The following PRICKLE2 variants were observed in gnomAD, a reference collection of about 807,000 sequenced individuals.
The protein encoded by PRICKLE2 is prickle-like protein 2.
Under a neutral mutation model 81.4 loss-of-function variants are expected in PRICKLE2, and 21 were observed. The ratio of observed to expected loss-of-function variants is 0.26; its 90% CI spans 0.18 to 0.37. The LOEUF (loss-of-function observed/expected upper bound fraction) is 0.37. Ranked by LOEUF, PRICKLE2 falls within the 10% of genes least tolerant of loss-of-function variation. The pLI, the probability that PRICKLE2 is intolerant of heterozygous loss-of-function variation, is 1.00. For missense variants in PRICKLE2, 940 were observed against 1,109.0 expected (o/e 0.85, Z 2.16); for synonymous variants, 456 against 421.5 (o/e 1.08, Z -1.00).
intron 1 of PRICKLE2, among the ~76,000 whole-genome samples, chr3:64,224,682 G>C (rs192859144): frequency 6.6e-6 from 1 of 152,050 alleles, no homozygotes; most frequent in Non-Finnish European, 1.5e-5. Flanking sequence ...AGATTTAAGC[G>C]TTTCTTCAGG....
At chr3:64,168,192 T>C (rs1225357853) in intron 2 of PRICKLE2, among the ~76,000 whole-genome samples, 1 of 152,156 alleles carries the variant, frequency 6.6e-6, no homozygotes, top group Non-Finnish European at 1.5e-5. Flanking sequence ...CTTATTTTCT[T>C]AGAGCAGGAA....
intron 1 of PRICKLE2, among the ~76,000 whole-genome samples, chr3:64,221,219 C>T (rs1210867179): frequency 6.6e-6 from 1 of 152,084 alleles, no homozygotes; most frequent in African/African-American, 2.4e-5. Context: ...CATCCAAACT[C>T]ACACACTCTC....
intron 2 of PRICKLE2, among the ~76,000 whole-genome samples, chr3:64,178,740 C>T (rs1575625066): frequency 6.6e-6 from 1 of 152,160 alleles, no homozygotes; most frequent in South Asian, 2.1e-4. Flanking sequence ...CTAAACATTC[C>T]TCCTAGGAGA....
intron 2 of PRICKLE2, among the ~76,000 whole-genome samples, chr3:64,165,968 GTGTGTGTGTGTGTGT>G (rs1167808504): frequency 1.4e-3 from 6 of 4,204 alleles, no homozygotes; most frequent in African/African-American, 4.4e-3. Context: ...ATAAAGGTGT[GTGTGTGTGTGTGTGT>G]GTGTGTGTGT....
intron 2 of PRICKLE2, among the ~76,000 whole-genome samples, chr3:64,198,094 C>T (rs2078493374): frequency 6.6e-6 from 1 of 151,888 alleles, no homozygotes; most frequent in Non-Finnish European, 1.5e-5. Flanking sequence ...TGCCTGTAGT[C>T]CCAGCTACTC....
intron 2 of PRICKLE2, among the ~76,000 whole-genome samples, chr3:64,178,193 T>C (rs1489519648): frequency 6.6e-6 from 1 of 152,224 alleles, no homozygotes; most frequent in East Asian, 1.9e-4. Flanking sequence ...GCCGACCGTA[T>C]ATTGTCTTTG....
At chr3:64,218,996 G>T (rs2078911870) in intron 1 of PRICKLE2, among the ~76,000 whole-genome samples, 1 of 152,078 alleles carries the variant, frequency 6.6e-6, no homozygotes, top group Non-Finnish European at 1.5e-5. Context: ...CCAACACACT[G>T]CCCACTGACA....
Position 64,224,923 on chromosome 3 carries a change from G to A in PRICKLE2, c.-54C>T. 1.0e-6 allele frequency: 1 copy of A among 985,284 alleles called. No homozygotes were observed. Among genetic ancestry groups the A allele is most frequent in the South Asian group, 4.7e-5 (1 of 21,272 alleles). 61.0% of individuals were successfully genotyped at this position (985,284 alleles called of 1,614,324 possible). On this transcript the variant is annotated 5_prime_UTR_variant, in exon 1 of 8. Coordinates refer to ENST00000638394, the MANE Select transcript of PRICKLE2 (RefSeq NM_198859.4). The stretch of plus-strand genomic sequence containing the variant: ...TTTCTTACCCACCTCCAGGGAGGAT[G>A]AAATGCCCAGTCTCGGAGGAAGCTT...
At chr3:64,155,481 T>C (rs2077620003) in intron 5 of PRICKLE2, among the ~76,000 whole-genome samples, 1 of 152,136 alleles carries the variant, frequency 6.6e-6, no homozygotes, top group African/African-American at 2.4e-5. Context: ...CAATTTGGCA[T>C]TCCCTCAAAA....
chr3:64,162,607 G>A (rs1342505688), intron 3 of PRICKLE2, among the ~76,000 whole-genome samples: 1 of 152,214 alleles, frequency 6.6e-6, no homozygotes, highest in East Asian at 1.9e-4. Context: ...AATATGAAAT[G>A]ATGCCGAAAA....
rs765122983 is a variant in PRICKLE2, at chr3:64,147,202, G to A, written c.1288C>T (p.Pro430Ser). Residue 430 changes from proline (P) to serine (S), a missense_variant, in exon 7 of 8, where the codon CCA (proline) becomes TCA (serine). Coordinates refer to ENST00000638394, the MANE Select transcript of PRICKLE2 (RefSeq NM_198859.4). The surrounding 1 kb of genome is among the most constrained non-coding windows in gnomAD (Gnocchi z 5.0). ...TGGGCCCCAGCCCCTTGCCCTCCTG[G>A]ACTGTAGGAAGTTCTGATGTTGCAC... ...SQCNIRTSYS[P>S]GGQGAGAQPE... 4 of 1,612,312 alleles carry A rather than the reference G, an allele frequency of 2.5e-6. No individual in the cohort carries two copies. The highest frequency in any genetic ancestry group is 3.4e-6 in the Non-Finnish European group (4 of 1,179,144).
intron 2 of PRICKLE2, chr3:64,182,498 AAG>A (rs1218504881): frequency 9.5e-6 from 1 of 105,174 alleles, no homozygotes; most frequent in Non-Finnish European, 2.1e-5. Flanking sequence ...TTGTCTCAGA[AAG>A]AAAAAAAAAA....
At chr3:64,257,924 C>T (rs1440534837) in intron 2 of PRICKLE2, among the ~76,000 whole-genome samples, 3 of 152,038 alleles carry the variant, frequency 2.0e-5, no homozygotes, top group African/African-American at 4.8e-5. Context: ...ATAAAAGAGA[C>T]CCCAAAGTGC....
chr3:64,239,924 G>A (rs1020756835), intron 2 of PRICKLE2, among the ~76,000 whole-genome samples: 1 of 138,630 alleles, frequency 7.2e-6, no homozygotes, highest in Non-Finnish European at 1.5e-5. Flanking sequence ...AGACCAGCCT[G>A]GGCAACATGA....
At chr3:64,267,122 G>A (rs1214245309) in intron 2 of PRICKLE2, among the ~76,000 whole-genome samples, 1 of 151,990 alleles carries the variant, frequency 6.6e-6, no homozygotes, top group Non-Finnish European at 1.5e-5. Flanking sequence ...CGGCTGCCCA[G>A]GCACTCCAGA....
rs73832116 is a variant in PRICKLE2 at position 64,168,090 on chromosome 3, A to T, written c.145-4961T>A. Among the ~76,000 whole-genome samples the T allele has an allele frequency of 9.2e-3, 1,403 of 152,312 alleles. 19 individuals are homozygous for T. Among genetic ancestry groups the T allele is most frequent in the African/African-American group, 0.032 (1,333 of 41,580 alleles). On this transcript the variant is annotated intron_variant, in intron 2 of 7. Transcript: ENST00000638394. ...TCCACACCTAGATATATGATTCAGC[A>T]GGGGATTCTACCAGCTCTGGCAAGA...
chr3:64,203,829 T>C (rs1029993360), intron 1 of PRICKLE2, among the ~76,000 whole-genome samples: 1 of 141,038 alleles, frequency 7.1e-6, no homozygotes, highest in African/African-American at 2.7e-5. Flanking sequence ...AAAAAAAACA[T>C]CAGCTGGGCA....
intron 7 of PRICKLE2, among the ~76,000 whole-genome samples, chr3:64,121,212 A>T (rs553195135): frequency 1.3e-5 from 2 of 152,328 alleles, no homozygotes; most frequent in South Asian, 2.1e-4. Flanking sequence ...CTCGTGAGCT[A>T]AAGGAAGCCT....
At chr3:64,241,822 C>G (rs1379713945) in intron 2 of PRICKLE2, among the ~76,000 whole-genome samples, 1 of 152,130 alleles carries the variant, frequency 6.6e-6, no homozygotes, top group Non-Finnish European at 1.5e-5. Flanking sequence ...TCGGCAGCCC[C>G]AATCATGCCT....
Sources: gnomAD v4.1 joint callset for allele counts (sites outside exome capture counted in the v4.1 genomes callset) on GRCh38, gnomAD v4.1.1 for gene constraint, Gnocchi (gnomAD v3.1) non-coding constraint, MANE v1.5 for transcripts, NCBI Gene and HGNC (gene_info 2026-07-23, HGNC 2026-07-21) for gene names.